The following IGSF21 variants were observed in gnomAD, a reference collection of about 807,000 sequenced individuals.
The protein encoded by IGSF21 is immunoglobin superfamily member 21, also known as immunoglobulin superfamily member 21.
In IGSF21, 28 loss-of-function variants were observed where a neutral mutation model predicts 46.8. The observed-to-expected ratio is 0.60, with a 90% CI of 0.44 to 0.82. The LOEUF (loss-of-function observed/expected upper bound fraction) is 0.82. Ranked by LOEUF, IGSF21 falls within the 40% of genes least tolerant of loss-of-function variation. The pLI, the probability that IGSF21 is intolerant of heterozygous loss-of-function variation, is 0.00. For synonymous variants in IGSF21, 284 were observed against 273.6 expected, an observed-to-expected ratio of 1.04 and a Z score of -0.38; for missense variants, 624 against 665.5, an observed-to-expected ratio of 0.94 and a Z score of 0.69.
chr1:18,279,350 T>A (rs1035724665), intron 2 of IGSF21, among the ~76,000 whole-genome samples: 1 of 152,230 alleles, frequency 6.6e-6, no homozygotes, highest in Non-Finnish European at 1.5e-5. Flanking sequence ...GTCTAATTCA[T>A]GGCAATATCT....
intron 2 of IGSF21, among the ~76,000 whole-genome samples, chr1:18,239,267 A>G (rs1341308): frequency 0.13 from 19,155 of 152,002 alleles, 1,403 homozygotes; most frequent in East Asian, 0.35. Context: ...AAAGAACATG[A>G]CTGAAATGAG....
chr1:18,361,351 G>A (rs2086098465), intron 4 of IGSF21: 1 of 152,246 alleles, frequency 6.6e-6, no homozygotes, highest in African/African-American at 2.4e-5. Context: ...AGGCCCCAAA[G>A]TATAGCAGTT....
At chr1:18,221,604 T>A (rs1409062002) in intron 1 of IGSF21, among the ~76,000 whole-genome samples, 1 of 152,130 alleles carries the variant, frequency 6.6e-6, no homozygotes, top group Non-Finnish European at 1.5e-5. Context: ...GCTAAATGTA[T>A]CTGAACAGGA....
At chr1:18,234,862 C>T (rs1328237408) in intron 2 of IGSF21, among the ~76,000 whole-genome samples, 1 of 152,124 alleles carries the variant, frequency 6.6e-6, no homozygotes, top group Admixed American at 6.5e-5. Context: ...GAAAACTCCA[C>T]CCCTAACCAC....
chr1:18,152,824 A>G (rs570776138), intron 1 of IGSF21, among the ~76,000 whole-genome samples: 173 of 152,238 alleles, frequency 1.1e-3, no homozygotes, highest in Non-Finnish European at 1.9e-3. Flanking sequence ...GTAGGGTTCC[A>G]TGATCTGGCC....
intron 2 of IGSF21, among the ~76,000 whole-genome samples, chr1:18,285,187 T>C (rs1272186391): frequency 5.0e-5 from 3 of 59,930 alleles, no homozygotes; most frequent in Non-Finnish European, 1.3e-4. Flanking sequence ...TTTTCCCCTT[T>C]TCTTTTTTTT....
intron 4 of IGSF21, among the ~76,000 whole-genome samples, chr1:18,336,840 G>A (rs1327952232): frequency 1.3e-5 from 2 of 152,160 alleles, no homozygotes; most frequent in East Asian, 3.9e-4. Context: ...CACGTGGCTA[G>A]GGAGGCCTCA....
chr1:18,238,219 G>T (rs2084691116), intron 2 of IGSF21, among the ~76,000 whole-genome samples: 1 of 152,154 alleles, frequency 6.6e-6, no homozygotes, highest in Non-Finnish European at 1.5e-5. Context: ...TCCATATTTA[G>T]GTTGGCTCTA....
intron 1 of IGSF21, among the ~76,000 whole-genome samples, chr1:18,220,980 A>G (rs1358097955): frequency 6.6e-6 from 1 of 152,192 alleles, no homozygotes; most frequent in Non-Finnish European, 1.5e-5. Context: ...GAGACCCTAA[A>G]GAAAGCCAGG....
At chr1:18,146,816 C>G (rs932699775) in intron 1 of IGSF21, among the ~76,000 whole-genome samples, 1 of 152,148 alleles carries the variant, frequency 6.6e-6, no homozygotes, top group Non-Finnish European at 1.5e-5. Context: ...TTAATTGATC[C>G]TCATAGCACC....
rs576730169 is a variant in IGSF21, at chr1:18,200,541, C to T, written c.71-27357C>T. The stretch of plus-strand genomic sequence containing the variant: ...GGGCTTGTGCCTGCATCCCTCCGGT[C>T]TCTGCCTCTGCCATCACGTGGCCTG... On this transcript the variant is annotated intron_variant, in intron 1 of 9. Transcript: ENST00000251296. 3.3e-5 allele frequency among the ~76,000 whole-genome samples: 5 copies of T among 152,290 alleles called. No individual in the cohort carries two copies. The South Asian group carries it at 1.0e-3, about 32-fold the overall frequency.
intron 3 of IGSF21, among the ~76,000 whole-genome samples, chr1:18,331,607 C>T (rs532991801): frequency 2.0e-5 from 3 of 152,194 alleles, no homozygotes; most frequent in Non-Finnish European, 2.9e-5. Context: ...ATGTCTTTGT[C>T]ATAAAAGCAG....
chr1:18,279,171 G>A (rs1010056555), intron 2 of IGSF21, among the ~76,000 whole-genome samples: 5 of 152,168 alleles, frequency 3.3e-5, no homozygotes, highest in East Asian at 1.9e-4. Context: ...CAGCTTACAT[G>A]TGACCTTCTG....
chr1:18,281,371 C>A (rs896950233), intron 2 of IGSF21, among the ~76,000 whole-genome samples: 3 of 151,836 alleles, frequency 2.0e-5, no homozygotes, highest in Non-Finnish European at 2.9e-5. Context: ...ACCAGCCTGG[C>A]CAACATAGTG....
chr1:18,143,235 C>G (rs574928334), intron 1 of IGSF21, among the ~76,000 whole-genome samples: 1 of 152,172 alleles, frequency 6.6e-6, no homozygotes, highest in Non-Finnish European at 1.5e-5. Flanking sequence ...GCCCTTCTGT[C>G]GGGCCTGGGC....
At chr1:18,216,682 G>A (rs1372772408) in intron 1 of IGSF21, among the ~76,000 whole-genome samples, 1 of 152,024 alleles carries the variant, frequency 6.6e-6, no homozygotes, top group Non-Finnish European at 1.5e-5. Context: ...CCCTCTTTAT[G>A]GAGTGGCTTT....
chr1:18,295,080 G>A (rs999009463), intron 3 of IGSF21, among the ~76,000 whole-genome samples: 1 of 152,152 alleles, frequency 6.6e-6, no homozygotes, highest in African/African-American at 2.4e-5. Context: ...GCCTAGAGGA[G>A]CCCCAAGGAC....
At chr1:18,174,928 C>T (rs2086780687) in intron 1 of IGSF21, among the ~76,000 whole-genome samples, 1 of 152,244 alleles carries the variant, frequency 6.6e-6, no homozygotes, top group Non-Finnish European at 1.5e-5. Context: ...CTGGAGGTCT[C>T]TGGGGCCCTG....
chr1:18,334,876 C>T lies in IGSF21; in HGVS notation c.306-16C>T, dbSNP rs375103411. 16 of 1,602,754 alleles carry T rather than the reference C, an allele frequency of 1.0e-5. No individual in the cohort carries two copies. Among genetic ancestry groups the T allele is most frequent in the African/African-American group, 4.0e-5 (3 of 74,716 alleles). ...CCACGATGAAGGGCCCTCACCCTGT[C>T]TTCTGCCTCCCCCAGGCTGCCCGAG... On this transcript the variant is annotated splice_polypyrimidine_tract_variant and intron_variant, in intron 3 of 9. Coordinates refer to ENST00000251296, the MANE Select transcript of IGSF21 (RefSeq NM_032880.5). The surrounding 1 kb of genome is among the most constrained non-coding windows in gnomAD (Gnocchi z 4.3).
Sources: allele counts gnomAD v4.1 joint callset (sites outside exome capture counted in the v4.1 genomes callset), GRCh38; gene constraint gnomAD v4.1.1; non-coding constraint Gnocchi (gnomAD v3.1); transcripts MANE v1.5; gene names NCBI Gene and HGNC (gene_info 2026-07-23, HGNC 2026-07-21).